AREL1: variants seen among roughly 807,000 people sequenced by gnomAD.
AREL1 encodes the protein apoptosis-resistant E3 ubiquitin protein ligase 1.
AREL1 carries 62 observed loss-of-function variants against 99.0 expected under a neutral mutation model. The ratio of observed to expected loss-of-function variants is 0.63; its 90% CI spans 0.51 to 0.77. The LOEUF is 0.77. AREL1 is among the 30% of genes least tolerant of loss of function. AREL1 has a pLI of 0.00. For synonymous variants in AREL1, 380 were observed against 376.5 expected (o/e 1.01, Z -0.11); for missense variants, 879 against 1,027.6 (o/e 0.86, Z 1.98).
At chr14:74,684,331 A>T in intron 4 of AREL1, 123 bp downstream of exon 4, 1 of 800,144 alleles carries the variant, frequency 1.2e-6, no homozygotes, top group Non-Finnish European at 2.0e-6. Flanking sequence ...GTAGCAATTC[A>T]CTAGTTCCTG....
intron 9 of AREL1, 53 bp from the exon 10 acceptor site, chr14:74,673,271 AG>A: frequency 1.9e-6 from 3 of 1,585,670 alleles, no homozygotes; most frequent in Non-Finnish European, 2.6e-6. Flanking sequence ...GGCCAGTAAA[AG>A]TCCTCCACAG....
At chr14:74,706,011 C>T (rs538765145) in intron 1 of AREL1, among the ~76,000 whole-genome samples, 7 of 152,328 alleles carry the variant, frequency 4.6e-5, no homozygotes, top group African/African-American at 1.7e-4. Flanking sequence ...AGAAAACTGG[C>T]TCATCCATGT....
chr14:74,703,812 T>C (rs1317352616), intron 1 of AREL1, among the ~76,000 whole-genome samples: 1 of 152,224 alleles, frequency 6.6e-6, no homozygotes, highest in Non-Finnish European at 1.5e-5. Context: ...AAGCTACAAG[T>C]CTGTGTAGGC....
intron 17 of AREL1, among the ~76,000 whole-genome samples, chr14:74,666,461 A>G (rs1333478324): frequency 1.3e-5 from 2 of 152,212 alleles, no homozygotes; most frequent in East Asian, 1.9e-4. Flanking sequence ...GAATGAATTT[A>G]CTATATAAAT....
chr14:74,707,275 G>A (rs769686196), intron 1 of AREL1, among the ~76,000 whole-genome samples: 9 of 152,048 alleles, frequency 5.9e-5, no homozygotes, highest in East Asian at 1.9e-4. Flanking sequence ...GGCTGAGGCC[G>A]GAGAATAGTT....
chr14:74,685,567 A>T lies in AREL1; in HGVS notation c.16+33T>A, dbSNP rs775816732. 3.0e-5 allele frequency: 48 copies of T among 1,612,874 alleles called. 1 individual carries two copies. The South Asian group carries it at 4.9e-4, about 17-fold the overall frequency. On this transcript the variant is annotated intron_variant, in intron 3 of 19. Coordinates refer to ENST00000356357, the MANE Select transcript of AREL1 (RefSeq NM_001039479.2). Reference sequence around the variant, plus strand: ...AAAGGACCCAAGCAACCTTTACAAAAATATAATAGAGAGAGCTCTTTCCAT... The same window carrying T: ...AAAGGACCCAAGCAACCTTTACAAATATATAATAGAGAGAGCTCTTTCCAT...
chr14:74,680,838 T>C (rs144272891), intron 5 of AREL1, among the ~76,000 whole-genome samples: 4 of 152,234 alleles, frequency 2.6e-5, no homozygotes, highest in Non-Finnish European at 5.9e-5. Flanking sequence ...GGTGCTGAAG[T>C]GGTAAGTAAG....
At chr14:74,698,037 G>C (rs2090009921) in intron 1 of AREL1, among the ~76,000 whole-genome samples, 1 of 152,084 alleles carries the variant, frequency 6.6e-6, no homozygotes. Flanking sequence ...TAATAAAACA[G>C]AATGTAATAT....
chr14:74,711,056 A>G (rs1241875206), intron 1 of AREL1, among the ~76,000 whole-genome samples: 1 of 150,602 alleles, frequency 6.6e-6, no homozygotes, highest in African/African-American at 2.4e-5. Flanking sequence ...ACATGGAGAA[A>G]CCCCGTCTCT....
At chr14:74,689,474 G>A (rs1257904458) in intron 2 of AREL1, among the ~76,000 whole-genome samples, 1 of 151,454 alleles carries the variant, frequency 6.6e-6, no homozygotes, top group Non-Finnish European at 1.5e-5. Flanking sequence ...CTGATCCTGA[G>A]GTCTAGGAAA....
At chr14:74,697,347 CA>C (rs2089997017) in intron 1 of AREL1, among the ~76,000 whole-genome samples, 1 of 152,176 alleles carries the variant, frequency 6.6e-6, no homozygotes, top group South Asian at 2.1e-4. Flanking sequence ...AGAGAAGCAC[CA>C]GCCATGAGTC....
intron 5 of AREL1, among the ~76,000 whole-genome samples, chr14:74,681,085 C>T (rs927249191): frequency 1.3e-5 from 2 of 152,096 alleles, no homozygotes; most frequent in African/African-American, 2.4e-5. Context: ...ACTTGGGAGG[C>T]TGAGGTGGAA....
Position 74,676,591 on chromosome 14 carries a change from T to G in AREL1, c.643A>C (p.Ile215Leu), listed in dbSNP as rs959766998. The G allele has an allele frequency of 1.9e-6, 3 of 1,612,790 alleles. No individual in the cohort carries two copies. The highest frequency in any genetic ancestry group is 2.5e-6 in the Non-Finnish European group (3 of 1,179,624). ...GAAGGGAGACTGCTTACCTCATGAA[T>G]GGACAAGGTGTAATTGTGCTCATCT... ...LRDEHNYTLSIHELGPQEEES... is the reference protein window; with the variant it reads ...LRDEHNYTLSLHELGPQEEES... The change falls in exon 6 of 20, where the codon ATT becomes CTT. Residue 215 changes from isoleucine to leucine, a missense_variant. Transcript: ENST00000356357.
chr14:74,711,296 T>A (rs959997039), intron 1 of AREL1, among the ~76,000 whole-genome samples: 1 of 150,452 alleles, frequency 6.6e-6, no homozygotes, highest in Admixed American at 6.6e-5. Context: ...TCCCAGAACT[T>A]TGGGAGGCCG....
At chr14:74,711,543 AAAAATAAAAT>A (rs745902318) in intron 1 of AREL1, among the ~76,000 whole-genome samples, 4 of 152,154 alleles carry the variant, frequency 2.6e-5, no homozygotes, top group East Asian at 1.9e-4. Context: ...GCTCTGTCTC[AAAAATAAAAT>A]AAAATAAAAT....
At position 74,663,961 on chromosome 14, in the gene AREL1, G is replaced by C. The variant is rs1230240739; in HGVS notation, c.2307C>G (p.Leu769=). 6.2e-7 allele frequency: 1 copy of C among 1,614,186 alleles called. No homozygotes were observed. Among genetic ancestry groups the C allele is most frequent in the Admixed American group, 1.7e-5 (1 of 60,032 alleles). ...SQLPPGGFAA[L]CPSFQIIAAP... ...CGGCAATAATCTGAAATGAGGGACAGAGGGCGGCAAAGCCTCCAGGTGGTA... is the reference window on the plus strand; with the variant it reads ...CGGCAATAATCTGAAATGAGGGACACAGGGCGGCAAAGCCTCCAGGTGGTA... The change falls in exon 19 of 20, where the codon CTC becomes CTG. Residue 769 remains leucine, a synonymous_variant. Coordinates refer to ENST00000356357, the MANE Select transcript of AREL1 (RefSeq NM_001039479.2).
chr14:74,680,542 C>T (rs1198205223), intron 5 of AREL1, among the ~76,000 whole-genome samples: 1 of 152,178 alleles, frequency 6.6e-6, no homozygotes. Flanking sequence ...ATCTCAGCAA[C>T]TGCATACTAG....
Position 74,692,049 on chromosome 14 carries a change from G to A in AREL1, c.-54C>T, listed in dbSNP as rs567935386. ...TCAGTCTGTTACCTTACCTTTAAACGAGGGCCCATGTTCTGAGAACCAAGT... is the reference window on the plus strand; with the variant it reads ...TCAGTCTGTTACCTTACCTTTAAACAAGGGCCCATGTTCTGAGAACCAAGT... On this transcript the variant is annotated 5_prime_UTR_variant, in exon 2 of 20. Transcript: ENST00000356357. The A allele has an allele frequency of 2.1e-5, 8 of 386,812 alleles. No individual in the cohort carries two copies. The East Asian group carries it at 4.8e-4, about 23-fold the overall frequency. 24.0% of individuals were successfully genotyped at this position (386,812 alleles called of 1,614,324 possible). A position where few individuals can be genotyped will look rare whatever the true frequency, so the allele number is the denominator to read the frequency against.
intron 5 of AREL1, among the ~76,000 whole-genome samples, chr14:74,682,178 G>A (rs2089645371): frequency 6.6e-6 from 1 of 152,180 alleles, no homozygotes; most frequent in African/African-American, 2.4e-5. Context: ...GAGACGGCTT[G>A]AGAGCCACTT....
Sources: allele counts gnomAD v4.1 joint callset (sites outside exome capture counted in the v4.1 genomes callset), GRCh38; gene constraint gnomAD v4.1.1; transcripts MANE v1.5; gene names NCBI Gene and HGNC (gene_info 2026-07-23, HGNC 2026-07-21).